Variants in CACNA1C observed in about 807,000 individuals in gnomAD.
CACNA1C encodes the protein voltage-dependent L-type calcium channel subunit alpha-1C.
Under a neutral mutation model 229.0 loss-of-function variants are expected in CACNA1C, and 30 were observed. That is an observed-to-expected ratio of 0.13 (90% CI 0.10 to 0.18). The LOEUF (loss-of-function observed/expected upper bound fraction) is 0.18, where lower values mean the gene tolerates loss of function less well. Among genes scored for constraint, CACNA1C ranks in the 10% least tolerant of loss-of-function variants. The pLI, the probability that CACNA1C is intolerant of heterozygous loss-of-function variation, is 1.00. For missense variants in CACNA1C, 1,658 were observed against 2,845.0 expected (o/e 0.58, Z 9.49); for synonymous variants, 1,114 against 1,132.5 (o/e 0.98, Z 0.33).
chr12:2,481,048 A>G (rs1343228472), intron 5 of CACNA1C, among the ~76,000 whole-genome samples: 2 of 152,206 alleles, frequency 1.3e-5, no homozygotes, highest in Non-Finnish European at 2.9e-5. Context: ...GGAGCCTTGA[A>G]TCAGGCACAT....
intron 1 of CACNA1C, among the ~76,000 whole-genome samples, chr12:2,086,673 C>A (rs944101710): frequency 6.6e-6 from 1 of 152,234 alleles, no homozygotes; most frequent in Non-Finnish European, 1.5e-5. Flanking sequence ...CCATTTCATT[C>A]TGCAGGGCTT....
chr12:2,572,670 TTCC>T (rs2056371626), intron 13 of CACNA1C, among the ~76,000 whole-genome samples: 1 of 81,360 alleles, frequency 1.2e-5, no homozygotes, highest in Non-Finnish European at 2.4e-5. Flanking sequence ...CTTCCTCCTC[TTCC>T]TCCTCCTTCT....
At position 2,120,437 on chromosome 12, in the gene CACNA1C, C is replaced by G; in HGVS notation, c.477+7C>G. ...CGCCACCAATTCCAACCTGGTAAGT[C>G]CACCATCCTCAAGTCTCTGCTTTTT... On this transcript the variant is annotated splice_region_variant and intron_variant, in intron 3 of 46. Transcript: ENST00000399655. 1 of 1,459,362 alleles carries G rather than the reference C, an allele frequency of 6.9e-7. No homozygotes were observed. Among genetic ancestry groups the G allele is most frequent in the Non-Finnish European group, 9.6e-7 (1 of 1,038,722 alleles). 90.4% of individuals were successfully genotyped at this position (1,459,362 alleles called of 1,614,324 possible). A position where few individuals can be genotyped will look rare whatever the true frequency, so the allele number is the denominator to read the frequency against.
In CACNA1C at chr12:2,575,269, T is replaced by C. The variant is rs528183550; in HGVS notation, c.1896-6321T>C. Reference sequence around the variant, plus strand: ...GGACGGGAGCAGGGGCAGGTACCAGTAGAAACTGAACCGGTAGTTGAGGCC... The same window carrying C: ...GGACGGGAGCAGGGGCAGGTACCAGCAGAAACTGAACCGGTAGTTGAGGCC... On this transcript the variant is annotated intron_variant, in intron 13 of 46. Transcript: ENST00000399655. This position sits in a 1 kb window ranked among gnomAD's most constrained non-coding sequence, Gnocchi z 4.0. Among the ~76,000 whole-genome samples the C allele has an allele frequency of 5.3e-5, 8 of 152,324 alleles. 1 individual carries two copies. The highest frequency in any genetic ancestry group is 2.1e-4 in the South Asian group (1 of 4,824).
intron 5 of CACNA1C, among the ~76,000 whole-genome samples, chr12:2,471,099 T>G (rs2099589551): frequency 6.6e-6 from 1 of 152,236 alleles, no homozygotes; most frequent in Non-Finnish European, 1.5e-5. Flanking sequence ...TCCAAAATGC[T>G]AGGATTACAG....
chr12:2,587,499 A>G (rs1164171060), intron 18 of CACNA1C, among the ~76,000 whole-genome samples: 2 of 152,208 alleles, frequency 1.3e-5, no homozygotes, highest in Non-Finnish European at 2.9e-5. Context: ...TACGGCAGAT[A>G]CACCTCTTGC....
At chr12:2,681,907 G>A in intron 42 of CACNA1C, 1 of 1,076,244 alleles carries the variant, frequency 9.3e-7, no homozygotes, top group Non-Finnish European at 1.4e-6. Context: ...AAAGGAAGAG[G>A]CCTTGGTCCA....
In CACNA1C at chr12:2,605,602, C is replaced by A. The variant is rs1348549473; in HGVS notation, c.3049-77C>A. ...ATTACTCCCCGTTGTGGCAAACGGG[C>A]TGCCCCTGCTACCTCCTGGAAAGGC... is the stretch of plus-strand genomic sequence containing the variant. On this transcript the variant is annotated intron_variant, in intron 23 of 46. Coordinates refer to ENST00000399655, the MANE Select transcript of CACNA1C (RefSeq NM_000719.7). This position sits in a 1 kb window ranked among gnomAD's most constrained non-coding sequence, Gnocchi z 6.2. 3.9e-6 allele frequency: 4 copies of A among 1,037,102 alleles called. No homozygotes were observed. Among genetic ancestry groups the A allele is most frequent in the Non-Finnish European group, 6.1e-6 (4 of 660,398 alleles). The allele number at this position is 1,037,102 out of a possible 1,614,324, so 64.2% of individuals were successfully genotyped here. A position where few individuals can be genotyped will look rare whatever the true frequency, so the allele number is the denominator to read the frequency against.
chr12:2,535,544 A>AC (rs1157008205), intron 9 of CACNA1C, among the ~76,000 whole-genome samples: 1 of 150,594 alleles, frequency 6.6e-6, no homozygotes, highest in East Asian at 1.9e-4. Context: ...ATTAAAAAAA[A>AC]AAAACAAAAT....
At chr12:2,217,838 C>G (rs2060374324) in intron 3 of CACNA1C, 1 of 152,162 alleles carries the variant, frequency 6.6e-6, no homozygotes, top group Non-Finnish European at 1.5e-5. Context: ...CCTAAGTGTC[C>G]TTATTTCAGA....
intron 3 of CACNA1C, among the ~76,000 whole-genome samples, chr12:2,121,026 G>A (rs112002742): frequency 6.6e-6 from 1 of 152,292 alleles, no homozygotes; most frequent in African/African-American, 2.4e-5. Flanking sequence ...AAAGTGGAGA[G>A]TGTGTTTACT....
At chr12:2,570,813 G>A (rs2053951444) in intron 13 of CACNA1C, among the ~76,000 whole-genome samples, 2 of 152,206 alleles carry the variant, frequency 1.3e-5, no homozygotes, top group Admixed American at 1.3e-4. Context: ...CCTGGAGAAG[G>A]TTGAATCTCA....
At chr12:2,166,965 G>A (rs1419208533) in intron 3 of CACNA1C, among the ~76,000 whole-genome samples, 3 of 152,160 alleles carry the variant, frequency 2.0e-5, no homozygotes, top group South Asian at 2.1e-4. Context: ...AAGAACCCAA[G>A]CATTTTCAAG....
intron 3 of CACNA1C, among the ~76,000 whole-genome samples, chr12:2,277,384 C>G (rs1235701972): frequency 6.5e-4 from 85 of 130,626 alleles, no homozygotes; most frequent in Middle Eastern, 4.2e-3. Flanking sequence ...CACACACACA[C>G]ACACACACAC....
chr12:2,503,896 T>C (rs1001505721), intron 7 of CACNA1C, among the ~76,000 whole-genome samples: 3 of 152,204 alleles, frequency 2.0e-5, no homozygotes, highest in Admixed American at 2.0e-4. Context: ...TGTGAAGCAC[T>C]GGGGTTTAGC....
At chr12:2,329,602 A>G (rs1159112120) in intron 3 of CACNA1C, among the ~76,000 whole-genome samples, 1 of 152,216 alleles carries the variant, frequency 6.6e-6, no homozygotes, top group Non-Finnish European at 1.5e-5. Flanking sequence ...CCCCCCAAAA[A>G]TAATAATAAT....
chr12:2,523,838 CA>C, intron 9 of CACNA1C, among the ~76,000 whole-genome samples: 1 of 152,304 alleles, frequency 6.6e-6, no homozygotes, highest in Middle Eastern at 3.4e-3. Context: ...CTCCAATAAC[CA>C]GTGCTCAGCC....
chr12:2,525,739 T>C (rs2099817551), intron 9 of CACNA1C, among the ~76,000 whole-genome samples: 1 of 152,240 alleles, frequency 6.6e-6, no homozygotes, highest in Non-Finnish European at 1.5e-5. Flanking sequence ...CCTTCAGGAT[T>C]ACTTCACCAA....
At chr12:2,213,391 T>TC (rs1356413987) in intron 3 of CACNA1C, among the ~76,000 whole-genome samples, 1 of 152,074 alleles carries the variant, frequency 6.6e-6, no homozygotes, top group African/African-American at 2.4e-5. Flanking sequence ...GAGGTGACCT[T>TC]CCCCTTCTGT....
Sources: allele counts gnomAD v4.1 joint callset (sites outside exome capture counted in the v4.1 genomes callset), GRCh38; gene constraint gnomAD v4.1.1; non-coding constraint Gnocchi (gnomAD v3.1); transcripts MANE v1.5; gene names NCBI Gene and HGNC (gene_info 2026-07-23, HGNC 2026-07-21).